Variants in INSR observed in about 807,000 individuals in gnomAD.
INSR encodes the protein insulin receptor, also known as IR.
In INSR, 67 loss-of-function variants were observed where a neutral mutation model predicts 142.6. The observed-to-expected ratio is 0.47, with a 90% CI of 0.39 to 0.58. The LOEUF is 0.58. Among genes scored for constraint, INSR ranks in the 20% least tolerant of loss-of-function variants. The probability of loss-of-function intolerance (pLI) is 0.00; values close to 1 mark genes in which losing one functional copy is unlikely to be tolerated. For missense variants in INSR, 1,248 were observed against 1,833.2 expected, an observed-to-expected ratio of 0.68 and a Z score of 5.83; for synonymous variants, 756 against 743.1, an observed-to-expected ratio of 1.02 and a Z score of -0.28.
intron 4 of INSR, among the ~76,000 whole-genome samples, chr19:7,173,445 A>G (rs1367393669): frequency 6.8e-6 from 1 of 147,552 alleles, no homozygotes; most frequent in Non-Finnish European, 1.5e-5. Context: ...CAGCCTCCCA[A>G]GTAGCTAGGA....
chr19:7,184,221 G>A (rs1036870679), intron 3 of INSR, 95 bp downstream of exon 3: 1 of 1,117,822 alleles, frequency 8.9e-7, no homozygotes, highest in African/African-American at 1.5e-5. Flanking sequence ...AATTAACCCT[G>A]GGTTTGCACA....
intron 1 of INSR, 141 bp from the exon 2 acceptor site, chr19:7,268,037 C>T (rs1967794327): frequency 1.3e-6 from 1 of 743,554 alleles, no homozygotes; most frequent in East Asian, 2.7e-5. Flanking sequence ...AACTCTGCAG[C>T]CAGCCGGGAT....
intron 9 of INSR, among the ~76,000 whole-genome samples, chr19:7,160,491 C>T (rs560974266): frequency 6.6e-6 from 1 of 151,942 alleles, no homozygotes; most frequent in South Asian, 2.1e-4. Flanking sequence ...TGTCTCAGGC[C>T]TGTAGTCCTG....
Position 7,150,253 on chromosome 19 carries a change from C to A in INSR, c.2267+244G>T, listed in dbSNP as rs1246022712. 6.6e-6 allele frequency among the ~76,000 whole-genome samples: 1 copy of A among 152,210 alleles called. No individual in the cohort carries two copies. Among genetic ancestry groups the A allele is most frequent in the Non-Finnish European group, 1.5e-5 (1 of 68,032 alleles). ...AGGCAGGGAGGGGGTACCCAGGAAGCACTCCCATGATTCTATGTTTTAGCA... is the reference window on the plus strand; with the variant it reads ...AGGCAGGGAGGGGGTACCCAGGAAGAACTCCCATGATTCTATGTTTTAGCA... On this transcript the variant is annotated intron_variant, in intron 11 of 21. Coordinates refer to ENST00000302850, the MANE Select transcript of INSR (RefSeq NM_000208.4). This position sits in a 1 kb window ranked among gnomAD's most constrained non-coding sequence, Gnocchi z 4.2.
At chr19:7,132,950 G>T (rs1972822536) in intron 13 of INSR, among the ~76,000 whole-genome samples, 1 of 151,952 alleles carries the variant, frequency 6.6e-6, no homozygotes, top group South Asian at 2.1e-4. Context: ...AAAATCATTT[G>T]TTTTATTTTT....
At chr19:7,234,941 C>T (rs898229759) in intron 2 of INSR, among the ~76,000 whole-genome samples, 4 of 151,900 alleles carry the variant, frequency 2.6e-5, no homozygotes, top group African/African-American at 9.7e-5. Context: ...ACCTGTAGTC[C>T]CAGCTACTTG....
intron 11 of INSR, among the ~76,000 whole-genome samples, chr19:7,144,830 T>G (rs998366821): frequency 1.3e-5 from 2 of 152,106 alleles, no homozygotes; most frequent in African/African-American, 2.4e-5. Flanking sequence ...CTCTTTAAGC[T>G]TCTTAATACC....
At chr19:7,259,104 C>CTTCCTTCCTTCCTTCT (rs138400357) in intron 2 of INSR, among the ~76,000 whole-genome samples, 42,543 of 129,288 alleles carry the variant, frequency 0.33, 9,054 homozygotes, top group South Asian at 0.47. Flanking sequence ...TCCCTCCTTC[C>CTTCCTTCCTTCCTTCT]TTCCTTCCTT....
At chr19:7,132,726 G>A (rs990272770) in intron 13 of INSR, among the ~76,000 whole-genome samples, 1 of 151,562 alleles carries the variant, frequency 6.6e-6, no homozygotes, top group African/African-American at 2.4e-5. Flanking sequence ...CGAGTAGCTG[G>A]GATTACAGGC....
Position 7,166,230 on chromosome 19 carries a change from G to A in INSR, c.1785C>T (p.Thr595=), listed in dbSNP as rs780615617. 5 of 1,614,082 alleles carry A rather than the reference G, an allele frequency of 3.1e-6. No homozygotes were observed. In the Admixed American group the frequency reaches 6.7e-5, roughly 22 times the overall value. ...GGCGTTCATCCGAAAAGGTGACCAG[G>A]GTCTTCACAAAGATGGCATACTGGG... ...PWTQYAIFVK[T]LVTFSDERRT... is the part of the protein sequence containing the mutation. The change falls in exon 8 of 22, where the codon ACC becomes ACT. Residue 595 remains threonine (T), a synonymous_variant. Coordinates refer to ENST00000302850, the MANE Select transcript of INSR (RefSeq NM_000208.4). This position sits in a 1 kb window ranked among gnomAD's most constrained non-coding sequence, Gnocchi z 4.1.
chr19:7,231,699 T>C lies in INSR; in HGVS notation c.652+35646A>G, dbSNP rs140615414. On this transcript the variant is annotated intron_variant, in intron 2 of 21. Transcript: ENST00000302850. ...CATCCTTTTACCCTCAAATTTTTGC[T>C]CTTTGAATCCTAACTGCTCCTGGCA... 4.7e-3 allele frequency among the ~76,000 whole-genome samples: 721 copies of C among 152,028 alleles called. 7 individuals carry two copies. The highest frequency in any genetic ancestry group is 0.017 in the African/African-American group (694 of 41,442).
chr19:7,136,327 C>T (rs16994164), intron 13 of INSR, among the ~76,000 whole-genome samples: 1,955 of 152,128 alleles, frequency 0.013, 43 homozygotes, highest in African/African-American at 0.044. Flanking sequence ...GAACAATGCC[C>T]GTTTCCACTG....
chr19:7,153,203 A>AC (rs756065542), intron 9 of INSR, among the ~76,000 whole-genome samples: 12,956 of 58,682 alleles, frequency 0.22, 6,113 homozygotes, highest in Non-Finnish European at 0.42. Context: ...CACACCACAC[A>AC]CACCACACAC....
Position 7,168,745 on chromosome 19 carries a change from C to T in INSR, c.1484-651G>A, listed in dbSNP as rs937364309. ...TCAAGTAGCTGGGATTACAGGCACCCACCACCACGTCCAGCTAGTTTTTGT... is the reference window on the plus strand; with the variant it reads ...TCAAGTAGCTGGGATTACAGGCACCTACCACCACGTCCAGCTAGTTTTTGT... On this transcript the variant is annotated intron_variant, in intron 6 of 21. Coordinates refer to ENST00000302850, the MANE Select transcript of INSR (RefSeq NM_000208.4). The surrounding 1 kb of genome is among the most constrained non-coding windows in gnomAD (Gnocchi z 4.3). 2.6e-5 allele frequency among the ~76,000 whole-genome samples: 4 copies of T among 151,682 alleles called. No individual in the cohort carries two copies. The highest frequency in any genetic ancestry group is 4.9e-5 in the African/African-American group (2 of 41,116).
At position 7,150,452 on chromosome 19, in the gene INSR, G is replaced by A. The variant is rs1362011215; in HGVS notation, c.2267+45C>T. ...GAGGCATCTGCCTGGCACGCCGCCG[G>A]CCCTGCGCGGAGCAGGCACCAGGGG... On this transcript the variant is annotated intron_variant, in intron 11 of 21. Coordinates refer to ENST00000302850, the MANE Select transcript of INSR (RefSeq NM_000208.4). The surrounding 1 kb of genome is among the most constrained non-coding windows in gnomAD (Gnocchi z 4.2). The A allele has an allele frequency of 2.5e-6, 4 of 1,596,660 alleles. No individual in the cohort carries two copies. Among genetic ancestry groups the A allele is most frequent in the Non-Finnish European group, 3.4e-6 (4 of 1,164,778 alleles).
chr19:7,238,617 C>CAAAAAAA (rs796144540), intron 2 of INSR, among the ~76,000 whole-genome samples: 5 of 69,012 alleles, frequency 7.2e-5, no homozygotes, highest in African/African-American at 1.3e-4. Context: ...TGCTCCATCT[C>CAAAAAAA]AAAAAAAAAA....
At chr19:7,129,079 C>T (rs547723196) in intron 14 of INSR, 125 bp from the exon 15 acceptor site, 1 of 682,526 alleles carries the variant, frequency 1.5e-6, no homozygotes, top group East Asian at 2.8e-5. Flanking sequence ...GTCCATAAAC[C>T]TCTCTGCTGC....
rs1486916345 is a variant in INSR, at chr19:7,113,314, C to T, written c.*3742G>A. The T allele has an allele frequency of 6.6e-6, 1 of 152,116 alleles. No individual in the cohort carries two copies. The highest frequency in any genetic ancestry group is 2.4e-5 in the African/African-American group (1 of 41,402). The allele number at this position is 152,116 out of a possible 1,614,324, so 9.4% of individuals were successfully genotyped here. A position where few individuals can be genotyped will look rare whatever the true frequency, so the allele number is the denominator to read the frequency against. On this transcript the variant is annotated 3_prime_UTR_variant, in exon 22 of 22. Transcript: ENST00000302850. ...CTGTCTGTCAGTTGGTAACATAGTC[C>T]CCAGGGTCACAGGATGACCTATGCA...
intron 2 of INSR, among the ~76,000 whole-genome samples, chr19:7,259,812 C>CT (rs1305669593): frequency 1.6e-5 from 2 of 127,516 alleles, no homozygotes; most frequent in Non-Finnish European, 3.3e-5. Flanking sequence ...GAGCGAGACT[C>CT]TGTCTCAAAA....
Sources: gnomAD v4.1 joint callset for allele counts (sites outside exome capture counted in the v4.1 genomes callset) on GRCh38, gnomAD v4.1.1 for gene constraint, Gnocchi (gnomAD v3.1) non-coding constraint, MANE v1.5 for transcripts, NCBI Gene and HGNC (gene_info 2026-07-23, HGNC 2026-07-21) for gene names.